Variants in BCL11B observed in about 807,000 individuals in gnomAD.
BCL11B encodes the protein BCL11 transcription factor B, also known as B-cell lymphoma/leukemia 11B.
Under a neutral mutation model 49.9 loss-of-function variants are expected in BCL11B, and 8 were observed. The observed-to-expected ratio is 0.16, with a 90% CI of 0.09 to 0.29. The LOEUF is 0.29. BCL11B is among the 10% of genes least tolerant of loss of function. The pLI, the probability that BCL11B is intolerant of heterozygous loss-of-function variation, is 1.00. For synonymous variants in BCL11B, 739 were observed against 637.4 expected, an observed-to-expected ratio of 1.16 and a Z score of -2.40; for missense variants, 1,006 against 1,351.0, an observed-to-expected ratio of 0.74 and a Z score of 4.00.
rs1029171271 is a variant in BCL11B, at chr14:99,213,608, C to A, written c.640+17737G>T. On this transcript the variant is annotated intron_variant, in intron 3 of 3. Coordinates refer to ENST00000357195, the MANE Select transcript of BCL11B (RefSeq NM_138576.4). This position sits in a 1 kb window ranked among gnomAD's most constrained non-coding sequence, Gnocchi z 5.1. The stretch of plus-strand genomic sequence containing the variant: ...CAAAAGTACAAATGCAGAACCCCAG[C>A]CGGTGCCTGTCTCCCACACTCCCGG... 6.6e-6 allele frequency among the ~76,000 whole-genome samples: 1 copy of A among 152,190 alleles called. No homozygotes were observed. The highest frequency in any genetic ancestry group is 1.5e-5 in the Non-Finnish European group (1 of 68,040).
intron 1 of BCL11B, among the ~76,000 whole-genome samples, chr14:99,265,857 T>A (rs1038123351): frequency 3.9e-5 from 6 of 152,254 alleles, no homozygotes; most frequent in Admixed American, 6.5e-5. Flanking sequence ...CTCTTTCCTG[T>A]CGCAGGGTAA....
At chr14:99,215,803 T>A (rs1887817021) in intron 3 of BCL11B, among the ~76,000 whole-genome samples, 1 of 152,238 alleles carries the variant, frequency 6.6e-6, no homozygotes, top group Non-Finnish European at 1.5e-5. Flanking sequence ...TGCACTTGAC[T>A]TTTAGTGCAG....
rs1215601221 is a variant in BCL11B at position 99,176,058 on chromosome 14, T to C, written c.778A>G (p.Thr260Ala). 1.2e-6 allele frequency: 2 copies of C among 1,601,096 alleles called. No homozygotes were observed. The highest frequency in any genetic ancestry group is 2.3e-5 in the East Asian group (1 of 44,170). Reference sequence around the variant, plus strand: ...GGCGGCGGGATGGTGAGCCGCGGCGTGAGCGAGCTGCTGGCCGGCCCGGGC... The same window carrying C: ...GGCGGCGGGATGGTGAGCCGCGGCGCGAGCGAGCTGCTGGCCGGCCCGGGC... The part of the protein sequence containing the change: ...LEPGPASSSL[T>A]PRLTIPPPLG... Residue 260 changes from threonine (T) to alanine (A), a missense_variant, in exon 4 of 4, where the codon ACG becomes GCG. By Grantham distance (58) the Thr-to-Ala change is moderately conservative. Around this residue, in one of 6 missense-constraint regions of BCL11B, gnomAD observed 411 missense variants for 542.2 expected, o/e 0.76. Coordinates refer to ENST00000357195, the MANE Select transcript of BCL11B (RefSeq NM_138576.4).
chr14:99,213,652 T>G lies in BCL11B; in HGVS notation c.640+17693A>C, dbSNP rs765755759. 5.3e-5 allele frequency among the ~76,000 whole-genome samples: 8 copies of G among 151,744 alleles called. No homozygotes were observed. Among genetic ancestry groups the G allele is most frequent in the African/African-American group, 7.3e-5 (3 of 41,258 alleles). On this transcript the variant is annotated intron_variant, in intron 3 of 3. Coordinates refer to ENST00000357195, the MANE Select transcript of BCL11B (RefSeq NM_138576.4). This position sits in a 1 kb window ranked among gnomAD's most constrained non-coding sequence, Gnocchi z 5.1. The stretch of plus-strand genomic sequence containing the variant: ...CTCCCGGACGCCACAGGCTGCAGAG[T>G]CCATGAGCTTGGGCAGAGCACAAAG...
intron 3 of BCL11B, among the ~76,000 whole-genome samples, chr14:99,199,683 TGCGCGCGCGCGCGCAC>T (rs1555378684): frequency 0.065 from 4,734 of 73,170 alleles, 98 homozygotes; most frequent in Middle Eastern, 0.076. Context: ...TGTGTGTGTG[TGCGCGCGCGCGCGCAC>T]GTGCACGTGT....
intron 2 of BCL11B, among the ~76,000 whole-genome samples, chr14:99,246,232 G>A (rs1417428390): frequency 1.3e-5 from 2 of 152,226 alleles, no homozygotes; most frequent in African/African-American, 4.8e-5. Context: ...GCCAGACGCG[G>A]GCTGGGTCAG....
At chr14:99,212,990 T>C (rs1367017957) in intron 3 of BCL11B, among the ~76,000 whole-genome samples, 1 of 152,084 alleles carries the variant, frequency 6.6e-6, no homozygotes, top group Admixed American at 6.5e-5. Context: ...GAGGATAAAA[T>C]AACATCACTG....
chr14:99,271,126 C>T (rs1464728995), intron 1 of BCL11B, 35 bp downstream of exon 1: 1 of 1,526,618 alleles, frequency 6.6e-7, no homozygotes, highest in Non-Finnish European at 8.7e-7. Context: ...GGAGCCCCAT[C>T]TCCGGCCCCT....
chr14:99,203,564 A>G (rs1475864873), intron 3 of BCL11B, among the ~76,000 whole-genome samples: 1 of 152,210 alleles, frequency 6.6e-6, no homozygotes, highest in African/African-American at 2.4e-5. Flanking sequence ...GCATTTCCTA[A>G]GCATCTACTA....
At chr14:99,230,279 C>A (rs1183409355) in intron 3 of BCL11B, among the ~76,000 whole-genome samples, 3 of 152,226 alleles carry the variant, frequency 2.0e-5, no homozygotes, top group Non-Finnish European at 4.4e-5. Flanking sequence ...AAAACACAAC[C>A]TGCCCAATAA....
rs1886275503 is a variant in BCL11B at position 99,171,109 on chromosome 14, A to C, written c.*3042T>G. 3 of 229,050 alleles carry C rather than the reference A, an allele frequency of 1.3e-5. No individual in the cohort carries two copies. The South Asian group carries it at 5.5e-4, about 42-fold the overall frequency. 14.2% of individuals were successfully genotyped at this position (229,050 alleles called of 1,614,324 possible). On this transcript the variant is annotated 3_prime_UTR_variant, in exon 4 of 4. Transcript: ENST00000357195. ...TACAAAAACTGATTTTTTTCCACTC[A>C]ACACAAATAATTTCCCATCTGGTCT...
chr14:99,183,646 C>T (rs1189182511), intron 3 of BCL11B, among the ~76,000 whole-genome samples: 3 of 152,072 alleles, frequency 2.0e-5, no homozygotes, highest in Admixed American at 1.3e-4. Flanking sequence ...GAGGGCTCGT[C>T]GTGGTAAAAT....
rs992839550 is a variant in BCL11B, at chr14:99,172,115, G to A, written c.*2036C>T. 26 of 217,612 alleles carry A rather than the reference G, an allele frequency of 1.2e-4. No homozygotes were observed. Among genetic ancestry groups the A allele is most frequent in the African/African-American group, 5.6e-4 (25 of 44,326 alleles). 13.5% of individuals were successfully genotyped at this position (217,612 alleles called of 1,614,324 possible). A position where few individuals can be genotyped will look rare whatever the true frequency, so the allele number is the denominator to read the frequency against. On this transcript the variant is annotated 3_prime_UTR_variant, in exon 4 of 4. Transcript: ENST00000357195. ...CTTGTATGTACCCAATACTGTAAACGTATTTTTAAGACAGAGTGCACTAAA... is the reference window on the plus strand; with the variant it reads ...CTTGTATGTACCCAATACTGTAAACATATTTTTAAGACAGAGTGCACTAAA...
intron 3 of BCL11B, among the ~76,000 whole-genome samples, chr14:99,185,724 G>C (rs1003701491): frequency 1.3e-5 from 2 of 151,646 alleles, no homozygotes; most frequent in African/African-American, 4.9e-5. Context: ...TCATTCCACA[G>C]GGCTGTCCTT....
At chr14:99,243,081 G>A (rs1888716982) in intron 2 of BCL11B, among the ~76,000 whole-genome samples, 1 of 152,172 alleles carries the variant, frequency 6.6e-6, no homozygotes, top group African/African-American at 2.4e-5. Flanking sequence ...TCCTTCTGGG[G>A]CCTGAGACCA....
At chr14:99,196,720 A>G (rs1363560844) in intron 3 of BCL11B, among the ~76,000 whole-genome samples, 1 of 152,210 alleles carries the variant, frequency 6.6e-6, no homozygotes, top group Non-Finnish European at 1.5e-5. Context: ...ACCTGTGTCC[A>G]CAAGAGAGGG....
chr14:99,186,355 T>C (rs1043973262), intron 3 of BCL11B, among the ~76,000 whole-genome samples: 31 of 152,346 alleles, frequency 2.0e-4, no homozygotes, highest in African/African-American at 6.7e-4. Flanking sequence ...ACCTCGTCTC[T>C]ACTAAAAATA....
rs749263941 is a variant in BCL11B at position 99,175,180 on chromosome 14, G to C, written c.1656C>G (p.Pro552=). ...EELLLENESR[P]ESSFSMDSEL... The stretch of plus-strand genomic sequence containing the variant: ...CCGAGTCCATGCTGAAGCTCGACTC[G>C]GGCCGGCTCTCGTTCTCCAGTAGCA... The change falls in exon 4 of 4, where the codon CCC becomes CCG. Residue 552 remains proline, a synonymous_variant. Transcript: ENST00000357195. The C allele has an allele frequency of 6.3e-7, 1 of 1,577,552 alleles. No homozygotes were observed. The highest frequency in any genetic ancestry group is 8.6e-7 in the Non-Finnish European group (1 of 1,163,940).
chr14:99,224,246 T>C (rs1004358286), intron 3 of BCL11B, among the ~76,000 whole-genome samples: 2 of 152,148 alleles, frequency 1.3e-5, no homozygotes, highest in Non-Finnish European at 2.9e-5. Flanking sequence ...CAGACCTGAG[T>C]CTGAATCTCT....
Sources: gnomAD v4.1 joint callset for allele counts (sites outside exome capture counted in the v4.1 genomes callset) on GRCh38, gnomAD v4.1.1 for gene constraint, gnomAD v4.1.1 regional missense constraint, Gnocchi (gnomAD v3.1) non-coding constraint, MANE v1.5 for transcripts, NCBI Gene and HGNC (gene_info 2026-07-23, HGNC 2026-07-21) for gene names.